CELF2: variants seen among roughly 807,000 people sequenced by gnomAD.
CELF2 encodes the protein CUG triplet repeat RNA-binding protein 2.
CELF2 carries 8 observed loss-of-function variants against 62.6 expected under a neutral mutation model. The ratio of observed to expected loss-of-function variants is 0.13; its 90% CI spans 0.07 to 0.23. The LOEUF is 0.23. Ranked by LOEUF, CELF2 falls within the 10% of genes least tolerant of loss-of-function variation. The probability of loss-of-function intolerance (pLI) is 1.00; values close to 1 mark genes in which losing one functional copy is unlikely to be tolerated. For missense variants in CELF2, 333 were observed against 671.0 expected, an observed-to-expected ratio of 0.50 and a Z score of 5.56; for synonymous variants, 258 against 250.0, an observed-to-expected ratio of 1.03 and a Z score of -0.30.
the CELF2 span, among the ~76,000 whole-genome samples, chr10:10,760,662 A>G: frequency 6.6e-6 from 1 of 152,332 alleles, no homozygotes; most frequent in Non-Finnish European, 1.5e-5. Context: ...GGAACTCGGG[A>G]AGATTTCCTA....
the CELF2 span, among the ~76,000 whole-genome samples, chr10:10,781,696 C>T: frequency 6.6e-6 from 1 of 152,166 alleles, no homozygotes; most frequent in Admixed American, 6.5e-5. Context: ...AACCAAATCA[C>T]ATCAGTAGCC....
upstream of CELF2, among the ~76,000 whole-genome samples, chr10:11,001,499 A>C (rs1422986731): frequency 2.0e-5 from 3 of 152,246 alleles, no homozygotes; most frequent in African/African-American, 7.2e-5. Flanking sequence ...GTATTTGGAA[A>C]TTTAGCTCTT....
chr10:10,771,628 G>A, the CELF2 span, among the ~76,000 whole-genome samples: 2 of 152,208 alleles, frequency 1.3e-5, no homozygotes, highest in South Asian at 4.1e-4. Context: ...CATGAGATTT[G>A]AAGGTTTTAT....
At chr10:10,753,860 A>C in the CELF2 span, among the ~76,000 whole-genome samples, 286 of 152,318 alleles carry the variant, frequency 1.9e-3, 2 homozygotes, top group Admixed American at 3.9e-3. Flanking sequence ...ACATCTAGGA[A>C]ACAGGCCGCA....
At chr10:10,723,212 CGTT>C in the CELF2 span, among the ~76,000 whole-genome samples, 4 of 152,040 alleles carry the variant, frequency 2.6e-5, no homozygotes, top group Non-Finnish European at 5.9e-5. Flanking sequence ...GTGGTGGTGT[CGTT>C]GTTGTTTTAA....
the CELF2 span, among the ~76,000 whole-genome samples, chr10:10,543,805 T>G: frequency 4.0e-4 from 61 of 152,164 alleles, no homozygotes; most frequent in African/African-American, 1.4e-3. Context: ...TAATGCCCCC[T>G]CTCCCGCTTC....
chr10:11,234,855 A>T (rs1273958255), intron 3 of CELF2, among the ~76,000 whole-genome samples: 1 of 152,070 alleles, frequency 6.6e-6, no homozygotes, highest in Non-Finnish European at 1.5e-5. Context: ...TTAAAAAGGC[A>T]CTTTTTACTC....
At chr10:10,812,432 T>G (rs2056007054) in intron 1 of CELF2, among the ~76,000 whole-genome samples, 1 of 152,170 alleles carries the variant, frequency 6.6e-6, no homozygotes, top group African/African-American at 2.4e-5. Context: ...AGCCAAACCA[T>G]ATCACCACCA....
the CELF2 span, among the ~76,000 whole-genome samples, chr10:10,607,840 C>G: frequency 6.6e-6 from 1 of 152,164 alleles, no homozygotes; most frequent in Non-Finnish European, 1.5e-5. Context: ...CCTGTAATCC[C>G]AGCACTTTGG....
intron 1 of CELF2, chr10:11,102,267 G>A (rs971992920): frequency 2.0e-5 from 3 of 152,180 alleles, no homozygotes; most frequent in Non-Finnish European, 4.4e-5. Context: ...GACTTCAGTG[G>A]ATTTCAAGAT....
At chr10:11,027,591 C>G (rs555433093) in intron 1 of CELF2, among the ~76,000 whole-genome samples, 9 of 152,248 alleles carry the variant, frequency 5.9e-5, no homozygotes, top group East Asian at 1.9e-4. Flanking sequence ...ATTGGCTATG[C>G]GTGGTTTTTA....
intron 8 of CELF2, among the ~76,000 whole-genome samples, chr10:11,281,466 G>A (rs183351785): frequency 2.0e-5 from 3 of 152,296 alleles, no homozygotes; most frequent in East Asian, 1.9e-4. Flanking sequence ...AGGAAATCAC[G>A]TTAAGAAACT....
intron 2 of CELF2, among the ~76,000 whole-genome samples, chr10:10,987,588 A>G (rs1292021343): frequency 6.6e-6 from 1 of 152,188 alleles, no homozygotes; most frequent in Non-Finnish European, 1.5e-5. Context: ...GATAGAGCAC[A>G]TTAAAAGAAT....
chr10:10,638,138 C>T, the CELF2 span, among the ~76,000 whole-genome samples: 1 of 152,122 alleles, frequency 6.6e-6, no homozygotes, highest in Admixed American at 6.5e-5. Flanking sequence ...TAAAACAGCA[C>T]CCACCCCGCT....
chr10:11,099,324 C>T (rs575075732), intron 1 of CELF2, among the ~76,000 whole-genome samples: 3 of 152,256 alleles, frequency 2.0e-5, no homozygotes, highest in Admixed American at 1.3e-4. Flanking sequence ...ATAACATATA[C>T]TTGGCAATAA....
chr10:10,731,058 T>C, the CELF2 span, among the ~76,000 whole-genome samples: 10 of 152,284 alleles, frequency 6.6e-5, no homozygotes, highest in South Asian at 2.1e-3. Flanking sequence ...TGCCACATGG[T>C]ATACCCAATA....
chr10:10,577,148 A>C, the CELF2 span, among the ~76,000 whole-genome samples: 1 of 152,176 alleles, frequency 6.6e-6, no homozygotes, highest in Non-Finnish European at 1.5e-5. Flanking sequence ...CATTGCGCCC[A>C]GAGTAAATGA....
intron 8 of CELF2, among the ~76,000 whole-genome samples, chr10:11,284,427 G>A (rs2090383623): frequency 6.6e-6 from 1 of 151,198 alleles, no homozygotes; most frequent in African/African-American, 2.4e-5. Context: ...GTGGTAGGTG[G>A]ATGATGGATG....
chr10:10,819,696 C>T lies in CELF2; in HGVS notation c.53+20879C>T, dbSNP rs571636948. 5.6e-4 allele frequency among the ~76,000 whole-genome samples: 86 copies of T among 152,286 alleles called. 1 individual carries two copies. In the South Asian group the frequency reaches 0.017, roughly 30 times the overall value. The stretch of plus-strand genomic sequence containing the variant: ...ATCTTTGACCTTCTTTTCCTCTGCT[C>T]TCCAAGATGTCAAGCAGCTCTCCAA... On this transcript the variant is annotated intron_variant, in intron 1 of 13. Coordinates refer to the CELF2 transcript ENST00000636488.
Sources: allele counts gnomAD v4.1 joint callset (sites outside exome capture counted in the v4.1 genomes callset), GRCh38; gene constraint gnomAD v4.1.1; transcripts MANE v1.5; gene names NCBI Gene and HGNC (gene_info 2026-07-23, HGNC 2026-07-21).